Variants in SMAP1 observed in about 807,000 individuals in gnomAD.
SMAP1 encodes the protein stromal membrane-associated protein 1.
SMAP1 carries 24 observed loss-of-function variants against 58.5 expected under a neutral mutation model. The observed-to-expected ratio is 0.41, with a 90% confidence interval of 0.30 to 0.58. The LOEUF is 0.58. Ranked by LOEUF, SMAP1 falls within the 20% of genes least tolerant of loss-of-function variation. The probability of loss-of-function intolerance (pLI) is 0.29; values close to 1 mark genes in which losing one functional copy is unlikely to be tolerated. For synonymous variants in SMAP1, 216 were observed against 196.6 expected, an observed-to-expected ratio of 1.10 and a Z score of -0.82; for missense variants, 563 against 566.3, an observed-to-expected ratio of 0.99 and a Z score of 0.06.
chr6:70,773,450 C>CA, intron 4 of SMAP1, 25 bp downstream of exon 4: 8 of 1,377,168 alleles, frequency 5.8e-6, no homozygotes, highest in Non-Finnish European at 8.1e-6. Flanking sequence ...CATCTCTCAT[C>CA]AATTGTTTGT....
rs549707792 is a variant in SMAP1, at chr6:70,704,438, AT to A, written c.119-27939del. Among the ~76,000 whole-genome samples the A allele has an allele frequency of 2.7e-4, 41 of 152,306 alleles. 1 individual carries two copies. Among genetic ancestry groups the A allele is most frequent in the Non-Finnish European group, 5.4e-4 (37 of 68,016 alleles). On this transcript the variant is annotated intron_variant, in intron 1 of 10. Transcript: ENST00000370455. ...TTTGATTGTATTTTGCTGACTGCTA[AT>A]ATTACAGATTTTTTTTTCAAGTCAA...
intron 1 of SMAP1, chr6:70,668,518 C>G (rs988401662): frequency 1.3e-6 from 2 of 1,503,822 alleles, no homozygotes; most frequent in East Asian, 2.5e-5. Context: ...CCTCCTAGCT[C>G]TGCTCATAGC....
At chr6:70,804,471 T>C (rs1343371639) in intron 6 of SMAP1, among the ~76,000 whole-genome samples, 1 of 152,232 alleles carries the variant, frequency 6.6e-6, no homozygotes, top group Non-Finnish European at 1.5e-5. Flanking sequence ...CTGTGTCTTT[T>C]AATTGGGGCA....
intron 7 of SMAP1, among the ~76,000 whole-genome samples, chr6:70,840,907 G>A (rs536621888): frequency 5.3e-5 from 8 of 152,194 alleles, no homozygotes; most frequent in African/African-American, 1.9e-4. Context: ...TGTTAAAATA[G>A]AATTAAAATC....
At chr6:70,745,651 A>G (rs982983204) in intron 2 of SMAP1, among the ~76,000 whole-genome samples, 25 of 152,314 alleles carry the variant, frequency 1.6e-4, no homozygotes, top group African/African-American at 5.5e-4. Flanking sequence ...TGTCTTGGCA[A>G]TGTGGGCTCT....
At chr6:70,714,837 A>G (rs752345682) in intron 1 of SMAP1, among the ~76,000 whole-genome samples, 49 of 152,238 alleles carry the variant, frequency 3.2e-4, no homozygotes, top group Admixed American at 7.8e-4. Flanking sequence ...GAACACCTTT[A>G]TCTCCCCTTC....
intron 3 of SMAP1, among the ~76,000 whole-genome samples, chr6:70,768,390 T>C (rs541201452): frequency 2.8e-4 from 42 of 152,328 alleles, no homozygotes; most frequent in Middle Eastern, 3.4e-3. Context: ...TGGACTCTTT[T>C]TGGTTGGTAA....
At chr6:70,725,093 GTTTTTTTTTTTTTTTTTTTTTTTTTTTTT>G (rs745587315) in intron 1 of SMAP1, among the ~76,000 whole-genome samples, 2 of 47,778 alleles carry the variant, frequency 4.2e-5, no homozygotes, top group East Asian at 6.2e-4. Flanking sequence ...ATTAACCAGT[GTTTTTTTTTTTTTTTTTTTTTTTTTTTTT>G]TTTTTTTTTT....
At chr6:70,833,464 T>G (rs548170032) in intron 6 of SMAP1, among the ~76,000 whole-genome samples, 2 of 152,372 alleles carry the variant, frequency 1.3e-5, no homozygotes, top group South Asian at 4.1e-4. Context: ...TTTTGATTTG[T>G]GGGACAACCT....
intron 6 of SMAP1, among the ~76,000 whole-genome samples, chr6:70,825,514 A>G (rs564919590): frequency 2.6e-5 from 4 of 152,296 alleles, no homozygotes; most frequent in East Asian, 1.9e-4. Flanking sequence ...AGCTGTAGGT[A>G]TAGCCACTCC....
chr6:70,681,051 A>G (rs957200372), intron 1 of SMAP1, among the ~76,000 whole-genome samples: 2 of 151,930 alleles, frequency 1.3e-5, no homozygotes, highest in African/African-American at 4.8e-5. Flanking sequence ...ATAAAAGGAT[A>G]AAACTTATAG....
chr6:70,791,710 C>G lies in SMAP1; in HGVS notation c.436C>G (p.Leu146Val). 1.2e-6 allele frequency: 2 copies of G among 1,613,462 alleles called. No homozygotes were observed. Among genetic ancestry groups the G allele is most frequent in the South Asian group, 1.1e-5 (1 of 91,030 alleles). The change falls in exon 5 of 11, where the codon CTT (leucine) becomes GTT (valine). Residue 146 changes from leucine to valine, a missense_variant. Leu to Val is a conservative substitution (Grantham distance 32). This residue lies in a region of SMAP1 where 494 missense variants were observed against 473.8 expected (regional missense o/e 1.04). Coordinates refer to ENST00000370455, the MANE Select transcript of SMAP1 (RefSeq NM_001044305.3). ...ITNISSSDAP[L>V]QPLVSSPSLQ... ...ACAGATTTCCTCCTCTGATGCTCCT[C>G]TTCAGCCTTTGGTATCCTCTCCTTC...
intron 6 of SMAP1, among the ~76,000 whole-genome samples, chr6:70,817,941 A>G (rs1392939980): frequency 6.6e-6 from 1 of 152,202 alleles, no homozygotes; most frequent in African/African-American, 2.4e-5. Context: ...ATTAGATGAA[A>G]AAGTGTATCT....
chr6:70,792,660 C>A (rs1419979017), intron 5 of SMAP1, among the ~76,000 whole-genome samples: 5 of 151,934 alleles, frequency 3.3e-5, no homozygotes, highest in Non-Finnish European at 5.9e-5. Context: ...TGGAAACTAG[C>A]CTGTGAAAAA....
At chr6:70,717,562 C>T (rs1397675751) in intron 1 of SMAP1, among the ~76,000 whole-genome samples, 1 of 152,192 alleles carries the variant, frequency 6.6e-6, no homozygotes, top group Non-Finnish European at 1.5e-5. Context: ...GATGTTTTCT[C>T]AGTTGCCCCA....
At chr6:70,736,515 G>A (rs375866088) in intron 2 of SMAP1, among the ~76,000 whole-genome samples, 1 of 152,082 alleles carries the variant, frequency 6.6e-6, no homozygotes, top group South Asian at 2.1e-4. Flanking sequence ...AGGAAACAAG[G>A]ATTTATGAAA....
At chr6:70,669,018 T>C (rs1387061982) in intron 1 of SMAP1, among the ~76,000 whole-genome samples, 7 of 152,232 alleles carry the variant, frequency 4.6e-5, no homozygotes, top group Non-Finnish European at 8.8e-5. Context: ...GCCTCAGCCT[T>C]TGAAACAGAT....
intron 1 of SMAP1, among the ~76,000 whole-genome samples, chr6:70,726,968 A>G (rs558227914): frequency 5.5e-4 from 83 of 151,384 alleles, no homozygotes; most frequent in African/African-American, 1.7e-3. Flanking sequence ...AGGTACTGCA[A>G]TGTTATATTT....
intron 6 of SMAP1, among the ~76,000 whole-genome samples, chr6:70,826,074 C>T (rs1770102810): frequency 6.6e-6 from 1 of 152,172 alleles, no homozygotes; most frequent in Non-Finnish European, 1.5e-5. Context: ...CTAGCAGCTA[C>T]CATTTATGAA....
Sources: gnomAD v4.1 joint callset for allele counts (sites outside exome capture counted in the v4.1 genomes callset) on GRCh38, gnomAD v4.1.1 for gene constraint, gnomAD v4.1.1 regional missense constraint, MANE v1.5 for transcripts, NCBI Gene and HGNC (gene_info 2026-07-23, HGNC 2026-07-21) for gene names.